The following TBC1D8 variants were observed in gnomAD, a reference collection of about 807,000 sequenced individuals.
TBC1D8 encodes the protein BUB2-like protein 1.
In TBC1D8, 65 loss-of-function variants were observed where a neutral mutation model predicts 118.8. The ratio of observed to expected loss-of-function variants is 0.55; its 90% CI spans 0.45 to 0.67. The LOEUF (loss-of-function observed/expected upper bound fraction) is 0.67. Ranked by LOEUF, TBC1D8 falls within the 30% of genes least tolerant of loss-of-function variation. TBC1D8 has a pLI of 0.00. For missense variants in TBC1D8, 1,376 were observed against 1,471.2 expected (o/e 0.94, Z 1.06); for synonymous variants, 566 against 595.8 (o/e 0.95, Z 0.73).
chr2:101,080,121 G>A (rs1675164229), intron 2 of TBC1D8, among the ~76,000 whole-genome samples: 1 of 152,088 alleles, frequency 6.6e-6, no homozygotes, highest in African/African-American at 2.4e-5. Flanking sequence ...AGAATGCCTT[G>A]GATGAGTGTA....
intron 2 of TBC1D8, among the ~76,000 whole-genome samples, chr2:101,071,985 C>G (rs1384568818): frequency 6.6e-6 from 1 of 152,142 alleles, no homozygotes; most frequent in Non-Finnish European, 1.5e-5. Flanking sequence ...ACTTGAAAGT[C>G]AAAATTACTC....
intron 19 of TBC1D8, among the ~76,000 whole-genome samples, chr2:101,009,673 C>T (rs1679042366): frequency 6.6e-6 from 1 of 152,014 alleles, no homozygotes; most frequent in Non-Finnish European, 1.5e-5. Flanking sequence ...AGACGAGCAG[C>T]ATTTCTCAAA....
chr2:101,033,280 C>T, intron 10 of TBC1D8: 2 of 491,698 alleles, frequency 4.1e-6, no homozygotes, highest in South Asian at 3.9e-5. Context: ...CCATGCCCAG[C>T]TAATTTTTGT....
chr2:101,056,041 C>CTT (rs113118928), intron 3 of TBC1D8, among the ~76,000 whole-genome samples: 1 of 142,608 alleles, frequency 7.0e-6, no homozygotes, highest in Non-Finnish European at 1.5e-5. Context: ...TAACATTTCT[C>CTT]TTTTTTTTTT....
intron 1 of TBC1D8, among the ~76,000 whole-genome samples, chr2:101,148,800 G>A (rs1388248603): frequency 6.6e-6 from 1 of 152,150 alleles, no homozygotes; most frequent in Non-Finnish European, 1.5e-5. Flanking sequence ...GCCAGAATGT[G>A]TATCACTGTA....
chr2:101,070,553 C>T (rs974057943), intron 2 of TBC1D8, among the ~76,000 whole-genome samples: 2 of 151,960 alleles, frequency 1.3e-5, no homozygotes, highest in African/African-American at 4.8e-5. Context: ...GCTAGGATTA[C>T]AGGTGCCCAC....
intron 3 of TBC1D8, among the ~76,000 whole-genome samples, chr2:101,057,711 C>T (rs1020490314): frequency 2.6e-5 from 4 of 152,138 alleles, no homozygotes; most frequent in Non-Finnish European, 2.9e-5. Flanking sequence ...GCAGCCCCAG[C>T]TACATGGGAG....
intron 15 of TBC1D8, among the ~76,000 whole-genome samples, chr2:101,023,064 G>T (rs1220000900): frequency 6.6e-6 from 1 of 151,846 alleles, no homozygotes; most frequent in East Asian, 2.0e-4. Flanking sequence ...AGAATCGCTT[G>T]AACTCCGGAG....
intron 12 of TBC1D8, among the ~76,000 whole-genome samples, chr2:101,028,857 G>C (rs1194170307): frequency 6.6e-6 from 1 of 152,192 alleles, no homozygotes; most frequent in African/African-American, 2.4e-5. Flanking sequence ...CTAGCTGGCT[G>C]CCTGATGCCC....
chr2:101,102,511 T>C (rs12623043), intron 1 of TBC1D8, among the ~76,000 whole-genome samples: 74,775 of 148,848 alleles, frequency 0.5, 18,870 homozygotes, highest in East Asian at 0.62. Flanking sequence ...ACCAACTAAA[T>C]GAGATTTTCA....
chr2:101,094,833 T>C (rs559357151), intron 1 of TBC1D8, among the ~76,000 whole-genome samples: 75 of 152,260 alleles, frequency 4.9e-4, no homozygotes, highest in African/African-American at 1.8e-3. Flanking sequence ...GGTGAACAAA[T>C]TGAAAAGCCA....
At chr2:101,095,437 G>A (rs1477643216) in intron 1 of TBC1D8, among the ~76,000 whole-genome samples, 11 of 128,692 alleles carry the variant, frequency 8.5e-5, no homozygotes, top group Non-Finnish European at 1.4e-4. Flanking sequence ...GGTGTGTGAT[G>A]TTCTCCTTCC....
intron 8 of TBC1D8, among the ~76,000 whole-genome samples, chr2:101,036,535 C>G (rs1370009664): frequency 6.6e-6 from 1 of 152,132 alleles, no homozygotes; most frequent in East Asian, 1.9e-4. Flanking sequence ...GAAGCTTTCT[C>G]TGGATGTTGC....
intron 1 of TBC1D8, among the ~76,000 whole-genome samples, chr2:101,110,980 CAAAA>C (rs10708630): frequency 3.4e-5 from 3 of 87,188 alleles, no homozygotes; most frequent in Admixed American, 1.2e-4. Flanking sequence ...AACTCCATCG[CAAAA>C]AAAAAAAAAA....
chr2:101,096,387 C>T (rs904075243), intron 1 of TBC1D8, among the ~76,000 whole-genome samples: 44 of 117,124 alleles, frequency 3.8e-4, no homozygotes, highest in African/African-American at 1.2e-3. Flanking sequence ...TTCTCAGTTC[C>T]TATTACCCAA....
At chr2:101,023,731 C>A in intron 15 of TBC1D8, 1 of 356,288 alleles carries the variant, frequency 2.8e-6, no homozygotes, top group South Asian at 2.2e-5. Context: ...TCATTTCCAC[C>A]CATACTAAAT....
chr2:101,137,245 C>A lies in TBC1D8; in HGVS notation c.127+13882G>T, dbSNP rs191459072. Among the ~76,000 whole-genome samples, 42 of 151,868 alleles carry A rather than the reference C, an allele frequency of 2.8e-4. No homozygotes were observed. In the East Asian group the frequency reaches 8.2e-3, roughly 29 times the overall value. ...ACGGAGTTTCACCATGTTGGTCAGGCTGGAGTCGAACTCCTGACCTCCAAT... is the reference window on the plus strand; with the variant it reads ...ACGGAGTTTCACCATGTTGGTCAGGATGGAGTCGAACTCCTGACCTCCAAT... On this transcript the variant is annotated intron_variant, in intron 1 of 19. Coordinates refer to ENST00000409318, the MANE Select transcript of TBC1D8 (RefSeq NM_001330348.2).
chr2:101,121,184 C>G (rs1678084451), intron 1 of TBC1D8, among the ~76,000 whole-genome samples: 2 of 152,154 alleles, frequency 1.3e-5, no homozygotes, highest in Non-Finnish European at 2.9e-5. Context: ...AAAAGAATTC[C>G]AAAGGACTTT....
chr2:101,047,137 T>C (rs1681760115), intron 5 of TBC1D8, among the ~76,000 whole-genome samples: 1 of 152,188 alleles, frequency 6.6e-6, no homozygotes, highest in African/African-American at 2.4e-5. Context: ...TCCGAGGCTA[T>C]GATGCAGGGA....
Sources: gnomAD v4.1 joint callset for allele counts (sites outside exome capture counted in the v4.1 genomes callset) on GRCh38, gnomAD v4.1.1 for gene constraint, MANE v1.5 for transcripts, NCBI Gene and HGNC (gene_info 2026-07-23, HGNC 2026-07-21) for gene names.